Variants in GNL3L observed in about 807,000 individuals in gnomAD.
GNL3L encodes the protein G protein nucleolar 3 like.
In GNL3L, 4 loss-of-function variants were observed where a neutral mutation model predicts 42.9. The ratio of observed to expected loss-of-function variants is 0.09; its 90% CI spans 0.05 to 0.21. The LOEUF (loss-of-function observed/expected upper bound fraction) is 0.21, where lower values mean the gene tolerates loss of function less well. Ranked by LOEUF, GNL3L falls within the 10% of genes least tolerant of loss-of-function variation. The pLI, the probability that GNL3L is intolerant of heterozygous loss-of-function variation, is 1.00. For synonymous variants in GNL3L, 159 were observed against 176.3 expected, an observed-to-expected ratio of 0.90 and a Z score of 0.78; for missense variants, 412 against 481.7, an observed-to-expected ratio of 0.86 and a Z score of 1.36.
Position 54,541,494 on chromosome X carries a change from A to G in GNL3L, c.306+105A>G, listed in dbSNP as rs755923874. 646 of 481,416 alleles carry G rather than the reference A, an allele frequency of 1.3e-3. 2 individuals carry two copies. The highest frequency in any genetic ancestry group is 2.2e-3 in the Non-Finnish European group (577 of 265,484). The allele number at this position is 481,416 out of a possible 1,213,427, so 39.7% of individuals were successfully genotyped here. A position where few individuals can be genotyped will look rare whatever the true frequency, so the allele number is the denominator to read the frequency against. On this transcript the variant is annotated intron_variant, in intron 5 of 15. Coordinates refer to ENST00000360845, the MANE Select transcript of GNL3L (RefSeq NM_001184819.2). Reference sequence around the variant, plus strand: ...GAAGTTGTTGGAGGGGAACAAGGGAATCAGTGTAGAGAGGATAGAAAACCA... The same window carrying G: ...GAAGTTGTTGGAGGGGAACAAGGGAGTCAGTGTAGAGAGGATAGAAAACCA...
At chrX:54,537,477 C>T (rs969945000) in intron 2 of GNL3L, among the ~76,000 whole-genome samples, 2 of 111,954 alleles carry the variant, frequency 1.8e-5, no homozygotes, top group African/African-American at 6.5e-5. Flanking sequence ...TTTTAGCTGT[C>T]TTGGCTCTAT....
chrX:54,537,091 T>G (rs1388767268), intron 2 of GNL3L, among the ~76,000 whole-genome samples: 1 of 105,669 alleles, frequency 9.5e-6, no homozygotes, highest in African/African-American at 3.5e-5. Flanking sequence ...GGTGCCATCA[T>G]AGCTCATTAT....
chrX:54,538,645 C>T (rs1351650415), intron 2 of GNL3L, among the ~76,000 whole-genome samples: 3 of 111,683 alleles, frequency 2.7e-5, no homozygotes, highest in African/African-American at 9.8e-5. Context: ...ATACTGAGGG[C>T]ATCTGCCCAG....
chrX:54,560,396 G>T (rs1027839750), intron 15 of GNL3L, 124 bp from the exon 16 acceptor site: 2 of 491,005 alleles, frequency 4.1e-6, no homozygotes, highest in Admixed American at 5.9e-5. Flanking sequence ...TTGTGGTAGC[G>T]TTTGGGGGTA....
chrX:54,590,793 G>GATTT lies in GNL3L; in HGVS notation c.*46-30028_*46-30025dup, dbSNP rs752558764. Among the ~76,000 whole-genome samples, 919 of 109,753 alleles carry GATTT rather than the reference G, an allele frequency of 8.4e-3. 8 individuals are homozygous for GATTT. The highest frequency in any genetic ancestry group is 0.019 in the Middle Eastern group (4 of 215). ...TATTTATTTATTTATTTAGGTCTTA[G>GATTT]ATTTATTTATTTATTTATTTATTTA... On this transcript the variant is annotated intron_variant, in intron 16 of 16. Transcript: ENST00000674498.
At chrX:54,550,198 GA>G (rs1341537073) in intron 9 of GNL3L, among the ~76,000 whole-genome samples, 1 of 98,906 alleles carries the variant, frequency 1.0e-5, no homozygotes, top group Non-Finnish European at 2.0e-5. Context: ...CTGAGAATGG[GA>G]ATGACCGAGA....
the GNL3L span, among the ~76,000 whole-genome samples, chrX:54,630,740 C>CTTTCTTTCTTTCTT: frequency 6.1e-5 from 2 of 32,716 alleles, no homozygotes; most frequent in Admixed American, 5.0e-4. Flanking sequence ...TTCTTTCTTT[C>CTTTCTTTCTTTCTT]TCTTTCTTTC....
At chrX:54,559,238 A>C (rs546145950) in intron 15 of GNL3L, among the ~76,000 whole-genome samples, 113 of 111,481 alleles carry the variant, frequency 1.0e-3, no homozygotes, top group South Asian at 5.7e-3. Context: ...CACTGGGAGA[A>C]CCACTGGCCT....
chrX:54,581,091 A>T (rs1925708590), intron 16 of GNL3L, among the ~76,000 whole-genome samples: 1 of 112,042 alleles, frequency 8.9e-6, no homozygotes, highest in Non-Finnish European at 1.9e-5. Flanking sequence ...TAAACTTTTA[A>T]TTTTTAGATG....
the GNL3L span, among the ~76,000 whole-genome samples, chrX:54,641,958 A>G: frequency 8.9e-6 from 1 of 111,867 alleles, no homozygotes; most frequent in Non-Finnish European, 1.9e-5. Context: ...GATGAATTAC[A>G]TTAATGGTAA....
chrX:54,566,880 C>T lies in GNL3L; in HGVS notation c.*6278C>T, dbSNP rs1346591661. Among the ~76,000 whole-genome samples the T allele has an allele frequency of 8.9e-6, 1 of 111,766 alleles. No individual in the cohort carries two copies. Among genetic ancestry groups the T allele is most frequent in the Non-Finnish European group, 1.9e-5 (1 of 53,166 alleles). The stretch of plus-strand genomic sequence containing the variant: ...CTTCGACCTCCTGGGCTCAAGCGAA[C>T]CTCCCACCTCCGCCTCTTGAGTAGC... On this transcript the variant is annotated 3_prime_UTR_variant, in exon 16 of 16. Transcript: ENST00000360845.
rs896214646 is a variant in GNL3L at position 54,607,513 on chromosome X, T to C, written c.*46-13332T>C. ...GGCTGGATCAGGGAAGTTATAAGGC[T>C]GGAACATCTTGTGGTGGCAGAAAGT... On this transcript the variant is annotated intron_variant, in intron 16 of 16. Transcript: ENST00000674498. Among the ~76,000 whole-genome samples, 4 of 109,767 alleles carry C rather than the reference T, an allele frequency of 3.6e-5. No individual in the cohort carries two copies. The South Asian group carries it at 1.6e-3, about 44-fold the overall frequency.
chrX:54,617,362 A>T (rs959053107), intron 16 of GNL3L, among the ~76,000 whole-genome samples: 1 of 111,209 alleles, frequency 9.0e-6, no homozygotes, highest in Non-Finnish European at 1.9e-5. Context: ...CCTTTTACCC[A>T]CTCATCAACC....
chrX:54,541,682 AGGGGATGGGGTTG>A (rs1264231939), intron 5 of GNL3L, among the ~76,000 whole-genome samples: 1 of 108,874 alleles, frequency 9.2e-6, no homozygotes, highest in African/African-American at 3.3e-5. Context: ...ACATGTGACC[AGGGGATGGGGTTG>A]GGGGAGAGGG....
the GNL3L span, among the ~76,000 whole-genome samples, chrX:54,634,006 C>T: frequency 3.6e-5 from 4 of 112,544 alleles, no homozygotes; most frequent in South Asian, 7.4e-4. Context: ...TATCAAGGAT[C>T]GTATGTAATG....
rs768089465 is a variant in GNL3L, at chrX:54,588,993, AT to A, written c.*45+28352del. On this transcript the variant is annotated intron_variant, in intron 16 of 16. Coordinates refer to the GNL3L transcript ENST00000674498. ...CCAAGTGTTTGAAGATATTCTTGTT[AT>A]TTTTTGATACTGATTTTTTCTTTTT... is the stretch of plus-strand genomic sequence containing the variant. Among the ~76,000 whole-genome samples, 5 of 106,931 alleles carry A rather than the reference AT, an allele frequency of 4.7e-5. No individual in the cohort carries two copies. The East Asian group carries it at 1.2e-3, about 25-fold the overall frequency. 92.9% of individuals were successfully genotyped at this position (106,931 alleles called of 115,157 possible).
intron 15 of GNL3L, among the ~76,000 whole-genome samples, 190 bp downstream of exon 15, chrX:54,558,845 C>T (rs1013171367): frequency 3.6e-5 from 4 of 111,709 alleles, no homozygotes; most frequent in East Asian, 5.6e-4. Flanking sequence ...TTAGTAGAGA[C>T]GATGTTTCGC....
chrX:54,548,253 C>G lies in GNL3L; in HGVS notation c.655C>G (p.Gln219Glu), dbSNP rs1479107862. 1 of 1,202,822 alleles carries G rather than the reference C, an allele frequency of 8.3e-7. No individual in the cohort carries two copies. Among genetic ancestry groups the G allele is most frequent in the African/African-American group, 1.8e-5 (1 of 56,861 alleles). ...GAATCGTTGCAGTGTGCCAGTAGAT[C>G]AGGCCTCTGAGTCACTGCTGAAAAG... Reference protein sequence around the residue: ...NLNRCSVPVDQASESLLKSKA... With the variant: ...NLNRCSVPVDEASESLLKSKA... The change falls in exon 9 of 16, where the codon CAG (glutamine) becomes GAG (glutamate). Residue 219 changes from glutamine to glutamate, a missense_variant. Gln to Glu is a conservative substitution (Grantham distance 29). Transcript: ENST00000360845.
At chrX:54,633,056 C>T in the GNL3L span, among the ~76,000 whole-genome samples, 4 of 111,158 alleles carry the variant, frequency 3.6e-5, no homozygotes, top group African/African-American at 1.3e-4. Flanking sequence ...GGGCTCTGGG[C>T]TGGTACTCGG....
Sources: gnomAD v4.1 joint callset for allele counts (sites outside exome capture counted in the v4.1 genomes callset) on GRCh38, gnomAD v4.1.1 for gene constraint, MANE v1.5 for transcripts, NCBI Gene and HGNC (gene_info 2026-07-23, HGNC 2026-07-21) for gene names.